Variants in CFAP54 observed in about 807,000 individuals in gnomAD.
CFAP54 encodes the protein cilia and flagella associated protein 54.
A neutral mutation model predicts 370.4 loss-of-function variants in CFAP54; 290 were observed. That is an observed-to-expected ratio of 0.78 (90% CI 0.71 to 0.86). CFAP54 has a LOEUF of 0.86. Among genes scored for constraint, CFAP54 ranks in the 40% least tolerant of loss-of-function variants. The pLI is 0.00. For missense variants in CFAP54, 3,399 were observed against 3,528.7 expected (o/e 0.96, Z 0.93); for synonymous variants, 1,206 against 1,236.5 (o/e 0.98, Z 0.52).
chr12:96,657,342 G>A (rs1321790014), intron 36 of CFAP54, among the ~76,000 whole-genome samples: 2 of 152,174 alleles, frequency 1.3e-5, no homozygotes, highest in African/African-American at 2.4e-5. Flanking sequence ...TTTGCATCTA[G>A]GAATGGACAT....
intron 32 of CFAP54, among the ~76,000 whole-genome samples, chr12:96,642,276 C>T (rs1229721649): frequency 6.6e-6 from 1 of 152,130 alleles, no homozygotes; most frequent in Non-Finnish European, 1.5e-5. Flanking sequence ...ATCTTGTACA[C>T]ACCTTGTACA....
intron 48 of CFAP54, among the ~76,000 whole-genome samples, chr12:96,717,680 A>T (rs548345196): frequency 2.9e-4 from 44 of 152,278 alleles, no homozygotes; most frequent in African/African-American, 8.9e-4. Flanking sequence ...AGTATTGTGG[A>T]TTATGCTCTT....
At chr12:96,645,176 T>C in intron 33 of CFAP54, 1 of 456,686 alleles carries the variant, frequency 2.2e-6, no homozygotes, top group South Asian at 1.5e-5. Flanking sequence ...AAGCACTTAC[T>C]GAGTGTCTTT....
chr12:96,816,884 T>G (rs1464537679), intron 64 of CFAP54, among the ~76,000 whole-genome samples: 1 of 152,242 alleles, frequency 6.6e-6, no homozygotes, highest in Non-Finnish European at 1.5e-5. Context: ...CATGTGAACC[T>G]TGTCTTCAGC....
At chr12:96,704,822 A>C in intron 47 of CFAP54, 26 bp downstream of exon 47, 1 of 916,876 alleles carries the variant, frequency 1.1e-6, no homozygotes, top group Non-Finnish European at 1.6e-6. Flanking sequence ...TTTTATAAAC[A>C]TGGTTTTCCT....
chr12:96,503,044 C>T (rs1299560959), intron 2 of CFAP54, among the ~76,000 whole-genome samples: 1 of 143,532 alleles, frequency 7.0e-6, no homozygotes, highest in Non-Finnish European at 1.5e-5. Context: ...TCCTTCCTCT[C>T]TCCCTCCCTT....
rs188309599 is a variant in CFAP54, at chr12:96,666,314, G to A, written c.5563+2382G>A. On this transcript the variant is annotated intron_variant, in intron 39 of 67. Coordinates refer to ENST00000524981, the MANE Select transcript of CFAP54 (RefSeq NM_001306084.2). ...AGATTATTCTATTAGTTTTACTATG[G>A]TTAAGTTGTAGACCTTTTAACTAGA... is the stretch of plus-strand genomic sequence containing the variant. Among the ~76,000 whole-genome samples the A allele has an allele frequency of 4.6e-5, 7 of 152,154 alleles. No individual in the cohort carries two copies. The East Asian group carries it at 1.4e-3, about 29-fold the overall frequency.
In CFAP54 at chr12:96,596,759, GA is replaced by G. The variant is rs577944848; in HGVS notation, c.3517-1878del. 3.0e-3 allele frequency among the ~76,000 whole-genome samples: 460 copies of G among 151,472 alleles called. 4 individuals carry two copies. The highest frequency in any genetic ancestry group is 0.01 in the African/African-American group (419 of 41,286). On this transcript the variant is annotated intron_variant, in intron 25 of 67. Coordinates refer to ENST00000524981, the MANE Select transcript of CFAP54 (RefSeq NM_001306084.2). ...AGATAGAAGAACATTTACAGATTTG[GA>G]AAAAAAATATCTCCAAATGCGACAG...
Position 96,786,746 on chromosome 12 carries a change from T to G in CFAP54, c.8527T>G (p.Leu2843Val), listed in dbSNP as rs372684315. 2 of 1,536,022 alleles carry G rather than the reference T, an allele frequency of 1.3e-6. No individual in the cohort carries two copies. The highest frequency in any genetic ancestry group is 4.9e-5 in the East Asian group (2 of 40,898). The change falls in exon 62 of 68, where the codon TTG (leucine) becomes GTG (valine). Residue 2843 changes from leucine to valine, a missense_variant. Physicochemically the swap from Leu to Val is conservative, Grantham distance 32 (BLOSUM62 1). Coordinates refer to ENST00000524981, the MANE Select transcript of CFAP54 (RefSeq NM_001306084.2). ...TLLTSLYNSELILRQKEVHFF... is the reference protein window; with the variant it reads ...TLLTSLYNSEVILRQKEVHFF... ...TCTCACATCCCTTTACAACTCTGAGTTGATTTTGCGCCAGAAAGAAGTGCA... is the reference window on the plus strand; with the variant it reads ...TCTCACATCCCTTTACAACTCTGAGGTGATTTTGCGCCAGAAAGAAGTGCA...
intron 19 of CFAP54, among the ~76,000 whole-genome samples, 164 bp from the exon 20 acceptor site, chr12:96,576,421 A>C (rs1487448462): frequency 6.6e-6 from 1 of 151,430 alleles, no homozygotes; most frequent in East Asian, 1.9e-4. Flanking sequence ...TTACTTTTGC[A>C]AAATCATTAA....
At chr12:96,534,020 A>G (rs1732430331) in intron 10 of CFAP54, 42 bp from the exon 11 acceptor site, 2 of 1,498,074 alleles carry the variant, frequency 1.3e-6, no homozygotes, top group Admixed American at 2.4e-5. Context: ...TGTTAAAATG[A>G]CATCCAATTA....
intron 19 of CFAP54, chr12:96,572,749 G>A (rs1407701575): frequency 1.0e-5 from 5 of 489,294 alleles, no homozygotes; most frequent in African/African-American, 2.1e-5. Flanking sequence ...TAATACAGAT[G>A]TTCAAGCTCC....
intron 65 of CFAP54, among the ~76,000 whole-genome samples, chr12:96,828,153 A>G (rs1172060677): frequency 6.8e-6 from 1 of 147,484 alleles, no homozygotes; most frequent in Non-Finnish European, 1.5e-5. Context: ...AAGTAGGCAT[A>G]GTTAATCTCT....
chr12:96,803,139 C>T (rs1253243617), intron 63 of CFAP54, among the ~76,000 whole-genome samples: 4 of 152,206 alleles, frequency 2.6e-5, no homozygotes, highest in African/African-American at 9.6e-5. Flanking sequence ...AATAAACACA[C>T]GTGTGCATGT....
rs150430019 is a variant in CFAP54, at chr12:96,679,706, C to T, written c.5670C>T (p.Ile1890=). The change falls in exon 40 of 68, where the codon ATC becomes ATT. Residue 1890 remains isoleucine (I), a synonymous_variant. Coordinates refer to ENST00000524981, the MANE Select transcript of CFAP54 (RefSeq NM_001306084.2). ...AATCCAAATACCATAACAGATCAAT[C>T]CGACACAGCAGAAAGTTGCTTTCAT... ...LEKSKYHNRS[I]RHSRKLLSLF... The T allele has an allele frequency of 1.2e-6, 2 of 1,613,562 alleles. No individual in the cohort carries two copies. Among genetic ancestry groups the T allele is most frequent in the South Asian group, 2.2e-5 (2 of 90,950 alleles).
chr12:96,743,254 T>C (rs902327177), intron 52 of CFAP54, 148 bp from the exon 53 acceptor site: 4 of 764,082 alleles, frequency 5.2e-6, no homozygotes, highest in Non-Finnish European at 8.0e-6. Context: ...ATTTTCCATG[T>C]TTCATGTAGA....
At chr12:96,607,533 A>G (rs1475476653) in intron 26 of CFAP54, among the ~76,000 whole-genome samples, 1 of 152,224 alleles carries the variant, frequency 6.6e-6, no homozygotes, top group Admixed American at 6.5e-5. Flanking sequence ...AACATAGTAC[A>G]GAATTACCTA....
intron 15 of CFAP54, among the ~76,000 whole-genome samples, chr12:96,551,012 T>C (rs951641878): frequency 6.6e-6 from 1 of 152,124 alleles, no homozygotes; most frequent in African/African-American, 2.4e-5. Context: ...TCACGCCTTT[T>C]ATCCTAGCCC....
chr12:96,641,492 A>C (rs1956727100), intron 32 of CFAP54, among the ~76,000 whole-genome samples: 1 of 151,960 alleles, frequency 6.6e-6, no homozygotes, highest in Admixed American at 6.5e-5. Context: ...ACTGTAAACT[A>C]GTTCAACCTT....
Sources: gnomAD v4.1 joint callset for allele counts (sites outside exome capture counted in the v4.1 genomes callset) on GRCh38, gnomAD v4.1.1 for gene constraint, MANE v1.5 for transcripts, NCBI Gene and HGNC (gene_info 2026-07-23, HGNC 2026-07-21) for gene names.